Variants in DIP2C observed in about 807,000 individuals in gnomAD.
The protein encoded by DIP2C is DIP2 acetate--CoA ligase C (putative), also known as disco-interacting protein 2 homolog C.
Under a neutral mutation model 192.4 loss-of-function variants are expected in DIP2C, and 33 were observed. The observed-to-expected ratio is 0.17, with a 90% CI of 0.13 to 0.23. DIP2C has a LOEUF of 0.23. DIP2C is among the 10% of genes least tolerant of loss of function. The pLI is 1.00. For synonymous variants in DIP2C, 979 were observed against 864.1 expected, an observed-to-expected ratio of 1.13 and a Z score of -2.33; for missense variants, 1,537 against 2,110.1, an observed-to-expected ratio of 0.73 and a Z score of 5.32.
chr10:331,174 AC>A (rs996768984), intron 29 of DIP2C, among the ~76,000 whole-genome samples: 1 of 152,072 alleles, frequency 6.6e-6, no homozygotes, highest in Non-Finnish European at 1.5e-5. Context: ...CTTGTTAACT[AC>A]TATGCTATAA....
intron 1 of DIP2C, among the ~76,000 whole-genome samples, chr10:606,016 C>T (rs1394999894): frequency 1.3e-5 from 2 of 152,236 alleles, no homozygotes; most frequent in African/African-American, 2.4e-5. Context: ...TCTCTGCAGC[C>T]CCACTCCACG....
At chr10:545,166 C>CCTTTTTTTTTTTTTTTTTTTTT (rs1554896881) in intron 1 of DIP2C, among the ~76,000 whole-genome samples, 1 of 86,340 alleles carries the variant, frequency 1.2e-5, no homozygotes, top group Non-Finnish European at 2.1e-5. Context: ...GGTGTTTTCC[C>CCTTTTTTTTTTTTTTTTTTTTT]TTTTTTTTTT....
chr10:384,899 G>A (rs964737271), intron 14 of DIP2C, among the ~76,000 whole-genome samples: 2 of 151,872 alleles, frequency 1.3e-5, no homozygotes, highest in East Asian at 3.9e-4. Flanking sequence ...GAAGGAGGAG[G>A]AGAAGCAGCT....
Position 447,160 on chromosome 10 carries a change from C to A in DIP2C, c.269-6164G>T, listed in dbSNP as rs1164136252. 2.0e-5 allele frequency among the ~76,000 whole-genome samples: 3 copies of A among 151,616 alleles called. No homozygotes were observed. The East Asian group carries it at 5.8e-4, about 29-fold the overall frequency. The stretch of plus-strand genomic sequence containing the variant: ...TGTCACACACAGTGGGGCAGCAGGA[C>A]CCACTCACCCCTGTCGATACTCAGG... On this transcript the variant is annotated intron_variant, in intron 3 of 36. Transcript: ENST00000280886.
intron 1 of DIP2C, among the ~76,000 whole-genome samples, chr10:617,236 G>A (rs973780916): frequency 7.5e-5 from 7 of 92,982 alleles, no homozygotes; most frequent in South Asian, 4.1e-4. Flanking sequence ...CCCCACTACC[G>A]CACATGCCTC....
chr10:576,439 T>C (rs564600041), intron 1 of DIP2C, among the ~76,000 whole-genome samples: 52 of 152,346 alleles, frequency 3.4e-4, no homozygotes, highest in African/African-American at 1.2e-3. Context: ...ACAAGTCCCG[T>C]ATCTAAGCCC....
intron 1 of DIP2C, among the ~76,000 whole-genome samples, chr10:653,446 TTCAAAAATAAAAA>T (rs1280000762): frequency 1.3e-5 from 2 of 152,018 alleles, no homozygotes; most frequent in Non-Finnish European, 2.9e-5. Flanking sequence ...AGACTCTTGT[TTCAAAAATAAAAA>T]TAAAAAATAA....
At chr10:358,942 T>G (rs1187946617) in intron 22 of DIP2C, among the ~76,000 whole-genome samples, 3 of 151,844 alleles carry the variant, frequency 2.0e-5, no homozygotes, top group Non-Finnish European at 4.4e-5. Flanking sequence ...GCCTAATCCT[T>G]GGTTTGAAGG....
At position 275,452 on chromosome 10, in the gene DIP2C, A is replaced by AT. The variant is rs1012148051; in HGVS notation, c.*1872dup. The stretch of plus-strand genomic sequence containing the variant: ...AAGGATGCACCACATATGCAGACAC[A>AT]TTTTTTTAAATGTGCCACTTTTTTT... On this transcript the variant is annotated 3_prime_UTR_variant, in exon 37 of 37. Transcript: ENST00000280886. The AT allele has an allele frequency of 4.1e-5, 6 of 147,472 alleles. No homozygotes were observed. Among genetic ancestry groups the AT allele is most frequent in the African/African-American group, 2.5e-5 (1 of 39,606 alleles). 9.1% of individuals were successfully genotyped at this position (147,472 alleles called of 1,614,324 possible). A position where few individuals can be genotyped will look rare whatever the true frequency, so the allele number is the denominator to read the frequency against.
intron 1 of DIP2C, among the ~76,000 whole-genome samples, chr10:626,018 C>T (rs1026853990): frequency 6.6e-6 from 1 of 152,160 alleles, no homozygotes; most frequent in African/African-American, 2.4e-5. Flanking sequence ...CTTGAGTCCT[C>T]CCCACATACG....
intron 1 of DIP2C, among the ~76,000 whole-genome samples, chr10:551,452 C>T (rs186200539): frequency 3.3e-5 from 5 of 152,306 alleles, no homozygotes; most frequent in East Asian, 1.9e-4. Flanking sequence ...TCCTGGCCCC[C>T]GAGGCCAATA....
In DIP2C at chr10:410,073, T is replaced by C. The variant is rs537724904; in HGVS notation, c.1058-1056A>G. 8.5e-5 allele frequency among the ~76,000 whole-genome samples: 13 copies of C among 152,354 alleles called. No homozygotes were observed. In the East Asian group the frequency reaches 2.1e-3, roughly 25 times the overall value. On this transcript the variant is annotated intron_variant, in intron 8 of 36. Transcript: ENST00000280886. ...TTAAATCCAAACACTAAATCAGATT[T>C]TGTCGTTTACAACACAGTGCAAATT...
intron 18 of DIP2C, among the ~76,000 whole-genome samples, chr10:366,657 C>T (rs985551542): frequency 5.4e-5 from 8 of 149,212 alleles, no homozygotes; most frequent in East Asian, 2.0e-4. Context: ...AATGTTAATG[C>T]GCAAGTTGTA....
chr10:599,207 A>G (rs1239196550), intron 1 of DIP2C, among the ~76,000 whole-genome samples: 1 of 152,082 alleles, frequency 6.6e-6, no homozygotes, highest in Non-Finnish European at 1.5e-5. Flanking sequence ...AGCACCCCAC[A>G]TCCTCTGGTC....
intron 36 of DIP2C, 91 bp from the exon 37 acceptor site, chr10:277,668 C>T (rs1954584005): frequency 3.3e-6 from 5 of 1,524,030 alleles, no homozygotes; most frequent in Non-Finnish European, 4.4e-6. Flanking sequence ...CTCTCTCTGA[C>T]CTGCCTGAGC....
chr10:280,860 T>C (rs1201001739), intron 36 of DIP2C, among the ~76,000 whole-genome samples: 1 of 152,260 alleles, frequency 6.6e-6, no homozygotes, highest in Non-Finnish European at 1.5e-5. Flanking sequence ...GTCATAAAAG[T>C]ATTTTCTGTG....
At chr10:332,225 C>T (rs1419668559) in intron 29 of DIP2C, among the ~76,000 whole-genome samples, 2 of 152,190 alleles carry the variant, frequency 1.3e-5, no homozygotes, top group Admixed American at 6.5e-5. Flanking sequence ...GTCATTTTAA[C>T]CATTTCTAAG....
chr10:558,201 T>C (rs1468434343), intron 1 of DIP2C, among the ~76,000 whole-genome samples: 4 of 152,190 alleles, frequency 2.6e-5, no homozygotes, highest in Non-Finnish European at 5.9e-5. Context: ...ATCTGAGTAC[T>C]GAGCATGCGT....
Position 310,523 on chromosome 10 carries a change from T to G in DIP2C, c.3925-431A>C, listed in dbSNP as rs193275606. On this transcript the variant is annotated intron_variant, in intron 31 of 36. Transcript: ENST00000280886. ...AGGACAGTGAAGCAGATGTGTGATA[T>G]GGATGGACAGGCCAGGGAGGAAGAG... Among the ~76,000 whole-genome samples, 176 of 152,244 alleles carry G rather than the reference T, an allele frequency of 1.2e-3. 1 individual carries two copies. The highest frequency in any genetic ancestry group is 2.2e-3 in the Non-Finnish European group (152 of 68,014).
Sources: gnomAD v4.1 joint callset for allele counts (sites outside exome capture counted in the v4.1 genomes callset) on GRCh38, gnomAD v4.1.1 for gene constraint, MANE v1.5 for transcripts, NCBI Gene and HGNC (gene_info 2026-07-23, HGNC 2026-07-21) for gene names.